The following EDEM3 variants were observed in gnomAD, a reference collection of about 807,000 sequenced individuals.
EDEM3 encodes the protein ER degradation-enhancing alpha-mannosidase-like protein 3.
Under a neutral mutation model 110.2 loss-of-function variants are expected in EDEM3, and 60 were observed. That is an observed-to-expected ratio of 0.54 (90% CI 0.44 to 0.67). EDEM3 has a LOEUF of 0.67. Among genes scored for constraint, EDEM3 ranks in the 30% least tolerant of loss-of-function variants. EDEM3 has a pLI of 0.00. For synonymous variants in EDEM3, 352 were observed against 382.9 expected, an observed-to-expected ratio of 0.92 and a Z score of 0.94; for missense variants, 996 against 1,121.0, an observed-to-expected ratio of 0.89 and a Z score of 1.59.
In EDEM3 at chr1:184,694,424, T is replaced by C. The variant is rs200970965; in HGVS notation, c.2438A>G (p.Gln813Arg). The C allele has an allele frequency of 1.9e-6, 3 of 1,608,828 alleles. No homozygotes were observed. Among genetic ancestry groups the C allele is most frequent in the East Asian group, 4.5e-5 (2 of 44,774 alleles). Residue 813 changes from glutamine (Q) to arginine (R), a missense_variant, in exon 20 of 20, where the codon CAG becomes CGG. Around this residue, in one of 5 missense-constraint regions of EDEM3, gnomAD observed 345 missense variants for 402.0 expected, o/e 0.86. Coordinates refer to ENST00000318130, the MANE Select transcript of EDEM3 (RefSeq NM_025191.4). ...TGAAATCTGTTCACCACTCTGATTC[T>C]GAGAATCATTTTCAGAGGATGGTTG... The part of the protein sequence containing the change: ...EEQPSSENDS[Q>R]NQSGEQISSS...
intron 18 of EDEM3, among the ~76,000 whole-genome samples, chr1:184,705,907 CACTAGTTGAT>C (rs1649897411): frequency 6.6e-6 from 1 of 152,002 alleles, no homozygotes; most frequent in African/African-American, 2.4e-5. Context: ...AAGCAAAACC[CACTAGTTGAT>C]ACATATAGGT....
intron 8 of EDEM3, among the ~76,000 whole-genome samples, chr1:184,721,598 G>A (rs950879137): frequency 1.3e-5 from 2 of 151,904 alleles, no homozygotes; most frequent in African/African-American, 4.8e-5. Flanking sequence ...TTCACTAGGT[G>A]GAAAATAAGC....
At chr1:184,740,207 C>T (rs1652059679) in intron 2 of EDEM3, among the ~76,000 whole-genome samples, 1 of 152,054 alleles carries the variant, frequency 6.6e-6, no homozygotes, top group African/African-American at 2.4e-5. Context: ...GTGTTAAGTA[C>T]ATGTTTCAAC....
chr1:184,744,221 T>C (rs1652292895), intron 2 of EDEM3, among the ~76,000 whole-genome samples: 1 of 143,070 alleles, frequency 7.0e-6, no homozygotes, highest in Non-Finnish European at 1.5e-5. Context: ...TTAACTTTTA[T>C]AACTCAGTAA....
At chr1:184,752,401 A>T (rs1182621614) in intron 1 of EDEM3, among the ~76,000 whole-genome samples, 1 of 152,208 alleles carries the variant, frequency 6.6e-6, no homozygotes, top group Non-Finnish European at 1.5e-5. Flanking sequence ...AATGAATCAA[A>T]GTTCAGTTTT....
rs777500298 is a variant in EDEM3 at position 184,711,847 on chromosome 1, T to C, written c.1567A>G (p.Asn523Asp). ...GTATTTGGACAAGTCCAATCGAAGTTACTGTCATCCAGTTCTGTATATTCC... is the reference window on the plus strand; with the variant it reads ...GTATTTGGACAAGTCCAATCGAAGTCACTGTCATCCAGTTCTGTATATTCC... ...TSEYTELDDS[N>D]FDWTCPNTQI... The change falls in exon 15 of 20, where the codon AAC becomes GAC. Residue 523 changes from asparagine to aspartate, a missense_variant. Around this residue, in one of 5 missense-constraint regions of EDEM3, gnomAD observed 138 missense variants for 124.3 expected, o/e 1.11. Coordinates refer to ENST00000318130, the MANE Select transcript of EDEM3 (RefSeq NM_025191.4). 1 of 1,613,202 alleles carries C rather than the reference T, an allele frequency of 6.2e-7. No homozygotes were observed. Among genetic ancestry groups the C allele is most frequent in the South Asian group, 1.1e-5 (1 of 90,936 alleles).
At chr1:184,694,593 G>T in intron 19 of EDEM3, 121 bp from the exon 20 acceptor site, 1 of 939,532 alleles carries the variant, frequency 1.1e-6, no homozygotes, top group Non-Finnish European at 1.5e-6. Context: ...TCATGTTAAT[G>T]CAGAAAGGTG....
chr1:184,753,742 T>C (rs1652909548), intron 1 of EDEM3, among the ~76,000 whole-genome samples: 1 of 152,230 alleles, frequency 6.6e-6, no homozygotes. Context: ...CATGTTTATT[T>C]ACCACTTCCA....
In EDEM3 at chr1:184,748,550, C is replaced by A. The variant is rs1309589828; in HGVS notation, c.204+997G>T. ...TGTGTTTTTAATGTTGAAATGTATC[C>A]AAAAAAAATCATATCCTAAAAACAT... On this transcript the variant is annotated intron_variant, in intron 2 of 19. Coordinates refer to ENST00000318130, the MANE Select transcript of EDEM3 (RefSeq NM_025191.4). Among the ~76,000 whole-genome samples the A allele has an allele frequency of 2.0e-5, 3 of 151,400 alleles. No homozygotes were observed. In the South Asian group the frequency reaches 6.2e-4, roughly 32 times the overall value.
chr1:184,716,315 A>G (rs1255281474), intron 13 of EDEM3, among the ~76,000 whole-genome samples: 1 of 152,194 alleles, frequency 6.6e-6, no homozygotes, highest in Non-Finnish European at 1.5e-5. Context: ...AGATGTGATA[A>G]CCAGATAAGT....
chr1:184,713,792 G>A (rs779814612), intron 13 of EDEM3, among the ~76,000 whole-genome samples: 1 of 152,200 alleles, frequency 6.6e-6, no homozygotes, highest in Non-Finnish European at 1.5e-5. Context: ...TAAGGACTAT[G>A]AGCTTCAGTT....
At chr1:184,747,082 A>C (rs1305547948) in intron 2 of EDEM3, among the ~76,000 whole-genome samples, 1 of 152,176 alleles carries the variant, frequency 6.6e-6, no homozygotes, top group Non-Finnish European at 1.5e-5. Context: ...TCTTTCAAAA[A>C]AATTTGCTAA....
At chr1:184,724,316 A>G (rs540655929) in intron 7 of EDEM3, among the ~76,000 whole-genome samples, 1 of 152,276 alleles carries the variant, frequency 6.6e-6, no homozygotes, top group East Asian at 1.9e-4. Context: ...GTAGTATGCT[A>G]TCTTTGAAAG....
At chr1:184,745,503 T>C (rs1034890392) in intron 2 of EDEM3, among the ~76,000 whole-genome samples, 4 of 152,142 alleles carry the variant, frequency 2.6e-5, no homozygotes, top group Non-Finnish European at 2.9e-5. Flanking sequence ...AATATGAATG[T>C]ACTTAATGCC....
chr1:184,699,361 A>G (rs1192253823), intron 19 of EDEM3, among the ~76,000 whole-genome samples: 1 of 151,892 alleles, frequency 6.6e-6, no homozygotes, highest in East Asian at 1.9e-4. Flanking sequence ...ATGTTCTCAA[A>G]GAGGAAAAGG....
At chr1:184,734,018 T>C (rs1651684013) in intron 5 of EDEM3, among the ~76,000 whole-genome samples, 1 of 152,192 alleles carries the variant, frequency 6.6e-6, no homozygotes, top group South Asian at 2.1e-4. Flanking sequence ...CATACAGATA[T>C]TACCTTTCAG....
rs765367803 is a variant in EDEM3 at position 184,711,711 on chromosome 1, A to G, written c.1691+12T>C. Reference sequence around the variant, plus strand: ...ACTTTGATATTAGAAAATATAAAATAATACATCTTACACTCTGATGATGCC... The same window carrying G: ...ACTTTGATATTAGAAAATATAAAATGATACATCTTACACTCTGATGATGCC... On this transcript the variant is annotated intron_variant, in intron 15 of 19. Transcript: ENST00000318130. 2 of 1,565,366 alleles carry G rather than the reference A, an allele frequency of 1.3e-6. No individual in the cohort carries two copies. Among genetic ancestry groups the G allele is most frequent in the South Asian group, 2.4e-5 (2 of 81,850 alleles).
intron 13 of EDEM3, 92 bp from the exon 14 acceptor site, chr1:184,712,690 G>C: frequency 1.2e-6 from 1 of 834,088 alleles, no homozygotes; most frequent in Non-Finnish European, 1.8e-6. Flanking sequence ...TAATAATCCT[G>C]TCTATACCAA....
Position 184,737,617 on chromosome 1 carries a change from A to G in EDEM3, c.299T>C (p.Leu100Ser). The G allele has an allele frequency of 1.2e-6, 2 of 1,613,986 alleles. No homozygotes were observed. Among genetic ancestry groups the G allele is most frequent in the Non-Finnish European group, 1.7e-6 (2 of 1,179,858 alleles). The change falls in exon 3 of 20, where the codon TTG becomes TCG. Residue 100 changes from leucine (L) to serine (S), a missense_variant. Physicochemically the swap from Leu to Ser is moderately radical, Grantham distance 145. Transcript: ENST00000318130. ...GCCCTGTGTTAATACTCACTTTCCC[A>G]AGGCATCATCAACGTCACCGCGACT... ...EPSRGDVDDA[L>S]GKFSLTLIDS...
Sources: allele counts gnomAD v4.1 joint callset (sites outside exome capture counted in the v4.1 genomes callset), GRCh38; gene constraint gnomAD v4.1.1; regional missense constraint gnomAD v4.1.1; transcripts MANE v1.5; gene names NCBI Gene and HGNC (gene_info 2026-07-23, HGNC 2026-07-21).